Variants in ARMH1 observed in about 807,000 individuals in gnomAD.
The protein encoded by ARMH1 is armadillo-like helical domain containing protein 1.
ARMH1 carries 34 observed loss-of-function variants against 50.2 expected under a neutral mutation model. That is an observed-to-expected ratio of 0.68 (90% CI 0.51 to 0.90). The LOEUF is 0.90. Ranked by LOEUF, ARMH1 falls within the 40% of genes least tolerant of loss-of-function variation. The probability of loss-of-function intolerance (pLI) is 0.00; values close to 1 mark genes in which losing one functional copy is unlikely to be tolerated. For synonymous variants in ARMH1, 221 were observed against 224.2 expected, an observed-to-expected ratio of 0.99 and a Z score of 0.13; for missense variants, 538 against 553.9, an observed-to-expected ratio of 0.97 and a Z score of 0.29.
intron 2 of ARMH1, among the ~76,000 whole-genome samples, chr1:44,696,178 C>T (rs1375938236): frequency 6.6e-6 from 1 of 152,230 alleles, no homozygotes; most frequent in African/African-American, 2.4e-5. Flanking sequence ...AGAGCCAACA[C>T]TATTTTTGCA....
At position 44,683,580 on chromosome 1, in the gene ARMH1, T is replaced by C. The variant is rs772986837; in HGVS notation, c.-22-6096T>C. 3.9e-5 allele frequency among the ~76,000 whole-genome samples: 6 copies of C among 152,148 alleles called. No homozygotes were observed. Among genetic ancestry groups the C allele is most frequent in the Non-Finnish European group, 8.8e-5 (6 of 68,012 alleles). ...TAGGAAAAGAGTCATTCACAATCCATCAGAGAGACCAAGCACGCTGGGACG... is the reference window on the plus strand; with the variant it reads ...TAGGAAAAGAGTCATTCACAATCCACCAGAGAGACCAAGCACGCTGGGACG... On this transcript the variant is annotated intron_variant, in intron 1 of 11. Coordinates refer to ENST00000535358, the MANE Select transcript of ARMH1 (RefSeq NM_001145636.2). This position sits in a 1 kb window ranked among gnomAD's most constrained non-coding sequence, Gnocchi z 4.2.
At chr1:44,704,053 A>C in intron 5 of ARMH1, 36 bp from the exon 6 acceptor site, 1 of 1,494,094 alleles carries the variant, frequency 6.7e-7, no homozygotes, top group Non-Finnish European at 9.0e-7. Flanking sequence ...AAAAAAAAAA[A>C]GACTAACCAC....
chr1:44,724,056 G>C lies in ARMH1; in HGVS notation c.725-66G>C. The C allele has an allele frequency of 6.6e-7, 1 of 1,520,264 alleles. No individual in the cohort carries two copies. The highest frequency in any genetic ancestry group is 8.8e-7 in the Non-Finnish European group (1 of 1,130,198). The allele number at this position is 1,520,264 out of a possible 1,614,324, so 94.2% of individuals were successfully genotyped here. On this transcript the variant is annotated intron_variant, in intron 6 of 11. Coordinates refer to ENST00000535358, the MANE Select transcript of ARMH1 (RefSeq NM_001145636.2). This position sits in a 1 kb window ranked among gnomAD's most constrained non-coding sequence, Gnocchi z 6.4. Reference sequence around the variant, plus strand: ...TGACGAGTGGCGACTTGGTTCACGGGGTTCTTTGCTTCCTCGGTGGCGGAG... The same window carrying C: ...TGACGAGTGGCGACTTGGTTCACGGCGTTCTTTGCTTCCTCGGTGGCGGAG...
chr1:44,707,341 CAACTCCAG>C (rs1178534721), intron 6 of ARMH1, among the ~76,000 whole-genome samples: 3 of 152,204 alleles, frequency 2.0e-5, no homozygotes, highest in Non-Finnish European at 2.9e-5. Context: ...GACCTCTGAG[CAACTCCAG>C]GGAGGGACTG....
chr1:44,722,842 G>A (rs560400262), intron 6 of ARMH1, among the ~76,000 whole-genome samples: 5 of 148,398 alleles, frequency 3.4e-5, no homozygotes, highest in Admixed American at 6.8e-5. Flanking sequence ...CGTGGATCAC[G>A]AGGTCAGAAG....
At chr1:44,700,866 G>A (rs773547144) in intron 4 of ARMH1, 57 bp from the exon 5 acceptor site, 22 of 1,413,546 alleles carry the variant, frequency 1.6e-5, no homozygotes, top group Middle Eastern at 1.8e-4. Flanking sequence ...ATAATCTTGA[G>A]TGGGGATTTT....
In ARMH1 at chr1:44,724,322, C is replaced by T. The variant is rs1282711956; in HGVS notation, c.850C>T (p.Pro284Ser). 6.4e-7 allele frequency: 1 copy of T among 1,551,566 alleles called. No individual in the cohort carries two copies. The highest frequency in any genetic ancestry group is 8.7e-7 in the Non-Finnish European group (1 of 1,146,962). Residue 284 changes from proline to serine, a missense_variant and splice_region_variant, in exon 8 of 12, where the codon CCC (proline) becomes TCC (serine). Coordinates refer to ENST00000535358, the MANE Select transcript of ARMH1 (RefSeq NM_001145636.2). The surrounding 1 kb of genome is among the most constrained non-coding windows in gnomAD (Gnocchi z 6.4). ...CCTCACGGCTGCCCCCTCCTCAGAC[C>T]CCTCGGTTCTCCAGCTCACCCCCAG... Reference protein sequence around the residue: ...SKLQAKILSDPSVLQLTPSLP... With the variant: ...SKLQAKILSDSSVLQLTPSLP...
intron 6 of ARMH1, among the ~76,000 whole-genome samples, chr1:44,712,499 G>A (rs542121980): frequency 6.8e-6 from 1 of 146,502 alleles, no homozygotes; most frequent in African/African-American, 2.5e-5. Context: ...GCTGGGCATG[G>A]TGGCTCACAC....
At chr1:44,706,526 G>A (rs1425239645) in intron 6 of ARMH1, among the ~76,000 whole-genome samples, 3 of 152,194 alleles carry the variant, frequency 2.0e-5, no homozygotes, top group East Asian at 3.8e-4. Context: ...GTTCACGTAC[G>A]CAAGTGAGAT....
At chr1:44,699,718 C>G (rs1645974918) in intron 4 of ARMH1, among the ~76,000 whole-genome samples, 1 of 152,126 alleles carries the variant, frequency 6.6e-6, no homozygotes, top group Non-Finnish European at 1.5e-5. Flanking sequence ...TCCCAAAGTA[C>G]TGGAATTACA....
At chr1:44,688,482 C>A (rs1162573304) in intron 1 of ARMH1, among the ~76,000 whole-genome samples, 1 of 152,232 alleles carries the variant, frequency 6.6e-6, no homozygotes, top group Non-Finnish European at 1.5e-5. Context: ...AACTAGATCT[C>A]TGGCGAAGAT....
At chr1:44,722,949 C>T (rs1251227490) in intron 6 of ARMH1, among the ~76,000 whole-genome samples, 2 of 151,238 alleles carry the variant, frequency 1.3e-5, no homozygotes, top group African/African-American at 2.4e-5. Context: ...TGGCGGGCGC[C>T]TGTAATCCCA....
intron 6 of ARMH1, chr1:44,721,762 T>C (rs370660739): frequency 2.4e-4 from 36 of 152,198 alleles, no homozygotes; most frequent in Non-Finnish European, 3.5e-4. Flanking sequence ...CACCCACACG[T>C]CTCTCTTTAG....
intron 6 of ARMH1, chr1:44,721,900 A>C (rs1315462463): frequency 3.3e-5 from 5 of 152,220 alleles, no homozygotes; most frequent in South Asian, 4.1e-4. Context: ...GAAACCAGAG[A>C]TCTGCCTGTT....
intron 6 of ARMH1, among the ~76,000 whole-genome samples, chr1:44,721,380 T>C (rs745442489): frequency 2.6e-5 from 4 of 152,164 alleles, no homozygotes; most frequent in Non-Finnish European, 5.9e-5. Context: ...TTTTCAAATA[T>C]GAGACCAGTC....
rs1236942239 is a variant in ARMH1 at position 44,689,823 on chromosome 1, G to T, written c.126G>T (p.Lys42Asn). The T allele has an allele frequency of 6.4e-7, 1 of 1,551,646 alleles. No individual in the cohort carries two copies. Among genetic ancestry groups the T allele is most frequent in the East Asian group, 2.4e-5 (1 of 40,918 alleles). ...LDKFIETNQG[K>N]TAPELEQEFS... ...AGTTCATTGAAACCAACCAAGGCAA[G>T]ACTGCCCCTGAACTGGAGCAGGAGT... Residue 42 changes from lysine (K) to asparagine (N), a missense_variant, in exon 2 of 12, where the codon AAG becomes AAT. Physicochemically the swap from Lys to Asn is moderately conservative, Grantham distance 94. Coordinates refer to ENST00000535358, the MANE Select transcript of ARMH1 (RefSeq NM_001145636.2).
chr1:44,725,263 G>A (rs780359870), intron 11 of ARMH1, 28 bp from the exon 12 acceptor site: 3 of 1,551,800 alleles, frequency 1.9e-6, no homozygotes, highest in Non-Finnish European at 1.7e-6. Flanking sequence ...CGCCAGCACA[G>A]CCTCACGCCC....
In ARMH1 at chr1:44,678,030, T is replaced by C. The variant is rs894615719; in HGVS notation, c.-23+3157T>C. On this transcript the variant is annotated intron_variant, in intron 1 of 11. Coordinates refer to ENST00000535358, the MANE Select transcript of ARMH1 (RefSeq NM_001145636.2). ...GCCAGCTTTGGATGCAGGCTGGAGG[T>C]GGGCAGGTGACTGGAGAGGCTGAGG... is the stretch of plus-strand genomic sequence containing the variant. 4.6e-5 allele frequency among the ~76,000 whole-genome samples: 7 copies of C among 151,440 alleles called. No homozygotes were observed. The East Asian group carries it at 9.8e-4, about 21-fold the overall frequency.
At chr1:44,721,686 A>C (rs560498792) in intron 6 of ARMH1, 2 of 152,048 alleles carry the variant, frequency 1.3e-5, no homozygotes, top group African/African-American at 4.8e-5. Flanking sequence ...CCGCGACCAC[A>C]CCACTCCGCT....
Sources: gnomAD v4.1 joint callset for allele counts (sites outside exome capture counted in the v4.1 genomes callset) on GRCh38, gnomAD v4.1.1 for gene constraint, Gnocchi (gnomAD v3.1) non-coding constraint, MANE v1.5 for transcripts, NCBI Gene and HGNC (gene_info 2026-07-23, HGNC 2026-07-21) for gene names.